CNTN5: variants seen among roughly 807,000 people sequenced by gnomAD.
CNTN5 encodes the protein contactin 5.
CNTN5 carries 77 observed loss-of-function variants against 129.1 expected under a neutral mutation model. That is an observed-to-expected ratio of 0.60 (90% CI 0.50 to 0.72). The LOEUF is 0.72. Ranked by LOEUF, CNTN5 falls within the 30% of genes least tolerant of loss-of-function variation. The pLI is 0.00. For synonymous variants in CNTN5, 509 were observed against 465.6 expected, an observed-to-expected ratio of 1.09 and a Z score of -1.20; for missense variants, 1,478 against 1,328.8, an observed-to-expected ratio of 1.11 and a Z score of -1.75.
At chr11:99,862,090 G>A (rs183820911) in intron 6 of CNTN5, among the ~76,000 whole-genome samples, 3 of 151,918 alleles carry the variant, frequency 2.0e-5, no homozygotes, top group African/African-American at 7.2e-5. Flanking sequence ...TAGTAAATAT[G>A]GATAAGACTA....
intron 2 of CNTN5, among the ~76,000 whole-genome samples, chr11:99,427,536 G>A (rs1943176563): frequency 6.6e-6 from 1 of 152,010 alleles, no homozygotes; most frequent in Non-Finnish European, 1.5e-5. Flanking sequence ...GGAGGCCGAG[G>A]CGGGCGGATC....
intron 10 of CNTN5, among the ~76,000 whole-genome samples, chr11:100,066,698 G>C (rs557165813): frequency 6.6e-6 from 1 of 151,912 alleles, no homozygotes; most frequent in South Asian, 2.1e-4. Context: ...TTTAAATGTG[G>C]CCCAACCTGT....
At chr11:99,674,291 C>T (rs1953175677) in intron 3 of CNTN5, among the ~76,000 whole-genome samples, 2 of 51,736 alleles carry the variant, frequency 3.9e-5, no homozygotes, top group African/African-American at 6.5e-5. Context: ...CCTTGGCCCA[C>T]CTTTTGATGG....
intron 3 of CNTN5, among the ~76,000 whole-genome samples, chr11:99,744,820 CAGA>C (rs1023778044): frequency 4.0e-5 from 6 of 151,750 alleles, no homozygotes; most frequent in African/African-American, 1.2e-4. Context: ...TCTTTAAGCA[CAGA>C]AGAAGTAAAG....
At chr11:99,999,483 C>T (rs574720980) in intron 8 of CNTN5, among the ~76,000 whole-genome samples, 417 of 152,128 alleles carry the variant, frequency 2.7e-3, no homozygotes, top group Non-Finnish European at 4.8e-3. Flanking sequence ...GTTAGAATGG[C>T]GATCATTAAA....
chr11:99,673,601 T>C (rs1477031433), intron 3 of CNTN5, among the ~76,000 whole-genome samples: 2 of 152,080 alleles, frequency 1.3e-5, no homozygotes, highest in African/African-American at 2.4e-5. Context: ...CCTCCCACCA[T>C]CCACTCTCCT....
At chr11:99,156,188 G>C (rs1026347615) in intron 1 of CNTN5, among the ~76,000 whole-genome samples, 1 of 151,860 alleles carries the variant, frequency 6.6e-6, no homozygotes, top group South Asian at 2.1e-4. Flanking sequence ...ATAATAAAAA[G>C]ATTGTATAAA....
At chr11:99,233,404 G>A (rs1861103489) in intron 1 of CNTN5, among the ~76,000 whole-genome samples, 1 of 152,172 alleles carries the variant, frequency 6.6e-6, no homozygotes, top group East Asian at 1.9e-4. Flanking sequence ...TGGAAATACT[G>A]GGGTGTTATT....
intron 3 of CNTN5, among the ~76,000 whole-genome samples, chr11:99,648,980 A>T (rs1952060996): frequency 6.6e-6 from 1 of 151,784 alleles, no homozygotes; most frequent in East Asian, 1.9e-4. Context: ...GGAATAAGTT[A>T]TAGTATTCTA....
In CNTN5 at chr11:99,759,944, G is replaced by T. The variant is rs550210228; in HGVS notation, c.56-59600G>T. Among the ~76,000 whole-genome samples the T allele has an allele frequency of 8.5e-5, 13 of 152,166 alleles. No individual in the cohort carries two copies. The South Asian group carries it at 2.7e-3, about 32-fold the overall frequency. The stretch of plus-strand genomic sequence containing the variant: ...CTGTGCTGGAGGAGTCTAATTTAGT[G>T]AGGCCTATGGGGGTGGAGTGAAATG... On this transcript the variant is annotated intron_variant, in intron 3 of 24. Coordinates refer to ENST00000524871, the MANE Select transcript of CNTN5 (RefSeq NM_014361.4).
chr11:99,785,652 C>T (rs1490735806), intron 3 of CNTN5, among the ~76,000 whole-genome samples: 1 of 152,064 alleles, frequency 6.6e-6, no homozygotes, highest in African/African-American at 2.4e-5. Flanking sequence ...CCACCACCAC[C>T]TTATCAAGTC....
At chr11:99,798,819 G>A (rs543370839) in intron 3 of CNTN5, among the ~76,000 whole-genome samples, 13 of 152,094 alleles carry the variant, frequency 8.5e-5, no homozygotes, top group African/African-American at 2.9e-4. Context: ...TTGTACGTTC[G>A]TAGGAATAGC....
intron 1 of CNTN5, among the ~76,000 whole-genome samples, chr11:99,071,269 T>G (rs1309605838): frequency 6.6e-6 from 1 of 152,120 alleles, no homozygotes; most frequent in Non-Finnish European, 1.5e-5. Context: ...AAACAGAGGT[T>G]TTTTTTGTTT....
At chr11:100,135,181 T>TG (rs1209022755) in intron 13 of CNTN5, among the ~76,000 whole-genome samples, 6 of 150,388 alleles carry the variant, frequency 4.0e-5, no homozygotes, top group Non-Finnish European at 7.4e-5. Context: ...AAAGTGTTTT[T>TG]TTTTTTTTTT....
chr11:99,366,052 C>T (rs1939424889), intron 2 of CNTN5, among the ~76,000 whole-genome samples: 1 of 152,144 alleles, frequency 6.6e-6, no homozygotes, highest in Non-Finnish European at 1.5e-5. Context: ...GCTCCAGCAT[C>T]CCATCCATCC....
intron 13 of CNTN5, among the ~76,000 whole-genome samples, chr11:100,172,655 G>C (rs149629811): frequency 1.3e-3 from 203 of 152,012 alleles, no homozygotes; most frequent in African/African-American, 4.8e-3. Context: ...CAGAAGTGAA[G>C]GAAGGCTATT....
chr11:100,254,776 A>G (rs1485729037), intron 16 of CNTN5, among the ~76,000 whole-genome samples: 1 of 151,302 alleles, frequency 6.6e-6, no homozygotes, highest in African/African-American at 2.5e-5. Context: ...ACAAATCCAG[A>G]GAGCATTTGT....
At chr11:99,804,068 G>GA (rs1478031982) in intron 3 of CNTN5, among the ~76,000 whole-genome samples, 45 of 152,154 alleles carry the variant, frequency 3.0e-4, no homozygotes, top group Middle Eastern at 3.4e-3. Context: ...GCACATGTCA[G>GA]AAAATACTCA....
At chr11:99,979,996 A>G (rs995705328) in intron 8 of CNTN5, among the ~76,000 whole-genome samples, 1 of 152,224 alleles carries the variant, frequency 6.6e-6, no homozygotes, top group African/African-American at 2.4e-5. Flanking sequence ...AGGAGTTACA[A>G]GGGTACCTAA....
Sources: allele counts gnomAD v4.1 joint callset (sites outside exome capture counted in the v4.1 genomes callset), GRCh38; gene constraint gnomAD v4.1.1; transcripts MANE v1.5; gene names NCBI Gene and HGNC (gene_info 2026-07-23, HGNC 2026-07-21).